Variants in MVK observed in about 807,000 individuals in gnomAD.
MVK encodes the protein mevalonate kinase.
Under a neutral mutation model 43.2 loss-of-function variants are expected in MVK, and 34 were observed. The observed-to-expected ratio is 0.79, with a 90% CI of 0.60 to 1.05. The LOEUF is 1.05. Among genes scored for constraint, MVK ranks in the 50% least tolerant of loss-of-function variants. The pLI, the probability that MVK is intolerant of heterozygous loss-of-function variation, is 0.00. For synonymous variants in MVK, 190 were observed against 219.8 expected (o/e 0.86, Z 1.20); for missense variants, 395 against 504.0 (o/e 0.78, Z 2.07).
chr12:109,575,905 T>C (rs1884928088), intron 2 of MVK, 93 bp from the exon 3 acceptor site: 4 of 1,484,248 alleles, frequency 2.7e-6, no homozygotes, highest in Non-Finnish European at 2.8e-6. Flanking sequence ...AGGAGTGGCC[T>C]CTGTGCTTAT....
Position 109,596,884 on chromosome 12 carries a change from C to A in MVK, c.*307C>A, listed in dbSNP as rs902713283. 1.9e-5 allele frequency: 9 copies of A among 469,900 alleles called. No homozygotes were observed. The East Asian group carries it at 3.8e-4, about 20-fold the overall frequency. The allele number at this position is 469,900 out of a possible 1,614,324, so 29.1% of individuals were successfully genotyped here. ...CACAGTCCCATCTGCTTCAGGCCCC[C>A]GCCTTGGCCTGTGTTCTTCCTGGCC... On this transcript the variant is annotated 3_prime_UTR_variant, in exon 11 of 11. Coordinates refer to ENST00000228510, the MANE Select transcript of MVK (RefSeq NM_000431.4).
Position 109,596,905 on chromosome 12 carries a change from T to G in MVK, c.*328T>G, listed in dbSNP as rs1379217820. ...CCCCCGCCTTGGCCTGTGTTCTTCC[T>G]GGCCGCCTGGGTCCAATGCTCAGGT... On this transcript the variant is annotated 3_prime_UTR_variant, in exon 11 of 11. Coordinates refer to ENST00000228510, the MANE Select transcript of MVK (RefSeq NM_000431.4). 4.3e-5 allele frequency: 18 copies of G among 418,148 alleles called. No homozygotes were observed. Among genetic ancestry groups the G allele is most frequent in the Non-Finnish European group, 1.8e-5 (4 of 223,224 alleles). The allele number at this position is 418,148 out of a possible 1,614,324, so 25.9% of individuals were successfully genotyped here.
intron 5 of MVK, among the ~76,000 whole-genome samples, chr12:109,585,365 G>A (rs1436113469): frequency 1.3e-5 from 2 of 152,192 alleles, no homozygotes; most frequent in Non-Finnish European, 2.9e-5. Flanking sequence ...GCTGCTTGTG[G>A]ACACCTTGCC....
chr12:109,595,255 A>G lies in MVK; in HGVS notation c.1039+74A>G. 1.3e-6 allele frequency: 2 copies of G among 1,586,300 alleles called. No homozygotes were observed. Among genetic ancestry groups the G allele is most frequent in the Non-Finnish European group, 1.7e-6 (2 of 1,167,914 alleles). The stretch of plus-strand genomic sequence containing the variant: ...GGGTCCACCTGGAGAATTCCCTTGA[A>G]AGGAAAAAGAGACCTGGAAACAGGT... On this transcript the variant is annotated intron_variant, in intron 10 of 10. Coordinates refer to ENST00000228510, the MANE Select transcript of MVK (RefSeq NM_000431.4). The surrounding 1 kb of genome is among the most constrained non-coding windows in gnomAD (Gnocchi z 5.9).
Position 109,597,778 on chromosome 12 carries a change from C to T in MVK, c.*1201C>T, listed in dbSNP as rs4766479. On this transcript the variant is annotated 3_prime_UTR_variant, in exon 11 of 11. Transcript: ENST00000228510. ...GCCTTGCCAGCCAGAACCTCTGGGA[C>T]CCACGGACCTGCAAAGAGGCCGAGT... The T allele has an allele frequency of 0.16, 24,876 of 152,162 alleles. 2,113 individuals are homozygous for T. Among genetic ancestry groups the T allele is most frequent in the Middle Eastern group, 0.18 (52 of 294 alleles). 9.4% of individuals were successfully genotyped at this position (152,162 alleles called of 1,614,324 possible). A position where few individuals can be genotyped will look rare whatever the true frequency, so the allele number is the denominator to read the frequency against.
upstream of MVK, chr12:109,573,484 C>T (rs372195202): frequency 1.2e-6 from 2 of 1,600,724 alleles, no homozygotes; most frequent in East Asian, 2.2e-5. Context: ...CAGCCATGAG[C>T]CAGGCTGCTT....
At chr12:109,573,776 TCCCCTTGAGGCACGGGC>T, upstream of MVK, 1 of 442,640 alleles carries the variant, frequency 2.3e-6, no homozygotes, top group Non-Finnish European at 4.2e-6. Flanking sequence ...CAACGCCTCC[TCCCCTTGAGGCACGGGC>T]GCTCTGGGTT....
chr12:109,591,972 G>A (rs1051476007), intron 9 of MVK, among the ~76,000 whole-genome samples: 3 of 152,192 alleles, frequency 2.0e-5, no homozygotes, highest in East Asian at 1.9e-4. Context: ...TTAGACGGGC[G>A]CAGTGGCTCA....
At chr12:109,594,930 G>A in intron 9 of MVK, 98 bp from the exon 10 acceptor site, 1 of 1,518,342 alleles carries the variant, frequency 6.6e-7, no homozygotes, top group Non-Finnish European at 9.1e-7. Context: ...GCTGTCTCCA[G>A]CCAACAACTG....
chr12:109,573,581 T>G (rs1884761973), upstream of MVK: 1 of 1,411,570 alleles, frequency 7.1e-7, no homozygotes, highest in Non-Finnish European at 9.7e-7. Flanking sequence ...GGTTTCAATT[T>G]TTATTGGTTC....
chr12:109,586,703 C>G, intron 6 of MVK, 51 bp from the exon 7 acceptor site: 1 of 1,604,104 alleles, frequency 6.2e-7, no homozygotes, highest in Non-Finnish European at 8.5e-7. Flanking sequence ...CCAAGTAGCA[C>G]AGATATGTTA....
intron 7 of MVK, 162 bp downstream of exon 7, chr12:109,586,961 G>A: frequency 1.3e-6 from 1 of 790,786 alleles, no homozygotes; most frequent in Admixed American, 2.1e-5. Context: ...AGCAGGGGTG[G>A]TGGGGAAGAC....
chr12:109,577,616 C>G (rs1885015477), intron 3 of MVK, among the ~76,000 whole-genome samples: 1 of 152,172 alleles, frequency 6.6e-6, no homozygotes, highest in South Asian at 2.1e-4. Context: ...TGTGCCCAGC[C>G]AAAATCCTCA....
intron 5 of MVK, among the ~76,000 whole-genome samples, chr12:109,582,176 T>G (rs1885246001): frequency 6.6e-6 from 1 of 152,190 alleles, no homozygotes; most frequent in African/African-American, 2.4e-5. Flanking sequence ...AGAATGTTCC[T>G]TGAGAAACCA....
intron 5 of MVK, among the ~76,000 whole-genome samples, chr12:109,584,134 T>G (rs1885339912): frequency 6.6e-6 from 1 of 152,220 alleles, no homozygotes; most frequent in African/African-American, 2.4e-5. Flanking sequence ...ACCTTCCCTG[T>G]AGGGCACAAT....
rs146181903 is a variant in MVK, at chr12:109,591,261, C to A, written c.789C>A (p.Pro263=). 1.2e-5 allele frequency: 19 copies of A among 1,614,104 alleles called. No homozygotes were observed. The highest frequency in any genetic ancestry group is 1.6e-5 in the Non-Finnish European group (19 of 1,180,056). ...RLLKFPEIVA[P]LLTSIDAISL... is the part of the protein sequence containing the mutation. ...TCCAGTTCCCAGAGATCGTGGCCCCCCTCCTGACCTCAATAGATGCCATCT... is the reference window on the plus strand; with the variant it reads ...TCCAGTTCCCAGAGATCGTGGCCCCACTCCTGACCTCAATAGATGCCATCT... The change falls in exon 9 of 11, where the codon CCC becomes CCA. Residue 263 remains proline (P), a synonymous_variant. Coordinates refer to ENST00000228510, the MANE Select transcript of MVK (RefSeq NM_000431.4).
chr12:109,596,017 C>T (rs960933843), intron 10 of MVK, among the ~76,000 whole-genome samples: 6 of 152,152 alleles, frequency 3.9e-5, no homozygotes, highest in South Asian at 2.1e-4. Context: ...GGAGTGTGCC[C>T]GCTGTGCCAG....
chr12:109,582,457 G>A (rs952881593), intron 5 of MVK, among the ~76,000 whole-genome samples: 1 of 152,152 alleles, frequency 6.6e-6, no homozygotes, highest in Non-Finnish European at 1.5e-5. Context: ...ACGGGCCAAA[G>A]GACTGGCCCT....
chr12:109,574,419 A>T (rs1176099278), intron 1 of MVK, among the ~76,000 whole-genome samples: 2 of 152,384 alleles, frequency 1.3e-5, no homozygotes, highest in East Asian at 3.9e-4. Context: ...GAACAGAGCC[A>T]GTAATAAGTA....
Sources: allele counts gnomAD v4.1 joint callset (sites outside exome capture counted in the v4.1 genomes callset), GRCh38; gene constraint gnomAD v4.1.1; non-coding constraint Gnocchi (gnomAD v3.1); transcripts MANE v1.5; gene names NCBI Gene and HGNC (gene_info 2026-07-23, HGNC 2026-07-21).